The following KCNN1 variants were observed in gnomAD, a reference collection of about 807,000 sequenced individuals.
KCNN1 encodes small conductance calcium-activated potassium channel protein 1.
Under a neutral mutation model 44.7 loss-of-function variants are expected in KCNN1, and 20 were observed. The ratio of observed to expected loss-of-function variants is 0.45; its 90% CI spans 0.32 to 0.65. The LOEUF (loss-of-function observed/expected upper bound fraction) is 0.65. KCNN1 is among the 30% of genes least tolerant of loss of function. The pLI, the probability that KCNN1 is intolerant of heterozygous loss-of-function variation, is 0.05. For synonymous variants in KCNN1, 324 were observed against 341.7 expected, an observed-to-expected ratio of 0.95 and a Z score of 0.57; for missense variants, 632 against 785.3, an observed-to-expected ratio of 0.80 and a Z score of 2.33.
chr19:17,973,915 C>A lies in KCNN1; in HGVS notation c.27C>A (p.Ser9Arg). The A allele has an allele frequency of 1.2e-5, 19 of 1,554,232 alleles. No individual in the cohort carries two copies. Among genetic ancestry groups the A allele is most frequent in the Non-Finnish European group, 1.6e-5 (18 of 1,151,134 alleles). MNSHSYNG[S>R]VGRPLGSGPG... ...TGAACAGCCACAGCTACAATGGCAGCGTGGGGCGGCCGCTGGGCAGCGGGC... is the reference window on the plus strand; with the variant it reads ...TGAACAGCCACAGCTACAATGGCAGAGTGGGGCGGCCGCTGGGCAGCGGGC... The change falls in exon 2 of 10, where the codon AGC becomes AGA. Residue 9 changes from serine (S) to arginine (R), a missense_variant. Around this residue, in one of 3 missense-constraint regions of KCNN1, gnomAD observed 235 missense variants for 224.0 expected, o/e 1.05. Coordinates refer to ENST00000684775, the MANE Select transcript of KCNN1 (RefSeq NM_001386974.1).
chr19:17,996,957 G>T (rs752781728), intron 9 of KCNN1, among the ~76,000 whole-genome samples: 2 of 152,228 alleles, frequency 1.3e-5, no homozygotes, highest in African/African-American at 2.4e-5. Context: ...AGGCCGCCGC[G>T]GGGTGGCAAA....
At chr19:17,996,984 G>A (rs1185454110) in intron 9 of KCNN1, among the ~76,000 whole-genome samples, 1 of 152,218 alleles carries the variant, frequency 6.6e-6, no homozygotes, top group Non-Finnish European at 1.5e-5. Context: ...TCCTGACCCA[G>A]CTGCGCTCAG....
chr19:17,969,779 C>T (rs759399444), intron 1 of KCNN1, among the ~76,000 whole-genome samples: 18 of 152,354 alleles, frequency 1.2e-4, no homozygotes, highest in Non-Finnish European at 2.2e-4. Context: ...TGCCCCCCAT[C>T]CCCAGCTGGG....
Position 17,967,204 on chromosome 19 carries a change from C to A in KCNN1, c.-195C>A. The A allele has an allele frequency of 1.0e-6, 1 of 960,024 alleles. No homozygotes were observed. The highest frequency in any genetic ancestry group is 4.6e-5 in the South Asian group (1 of 21,532). The allele number at this position is 960,024 out of a possible 1,614,324, so 59.5% of individuals were successfully genotyped here. Reference sequence around the variant, plus strand: ...GCCGCCCCCGGGCCCCGCGCCCGCTCGCTGCTGCCCGCCCCGTCCGCGACC... The same window carrying A: ...GCCGCCCCCGGGCCCCGCGCCCGCTAGCTGCTGCCCGCCCCGTCCGCGACC... On this transcript the variant is annotated 5_prime_UTR_variant, in exon 1 of 10. Transcript: ENST00000684775.
chr19:17,961,586 C>CTTTCT (rs113710284), intron 2 of KCNN1, among the ~76,000 whole-genome samples: 17 of 130,054 alleles, frequency 1.3e-4, no homozygotes, highest in South Asian at 2.4e-4. Context: ...TTCTTTCTTT[C>CTTTCT]TTTTTTTTTT....
At chr19:17,978,424 G>GTTTT (rs936725904) in intron 3 of KCNN1, among the ~76,000 whole-genome samples, 3 of 117,026 alleles carry the variant, frequency 2.6e-5, no homozygotes, top group Non-Finnish European at 1.8e-5. Context: ...TGCCCAGCCT[G>GTTTT]TTTTTTTTTT....
chr19:17,959,000 C>CTATT (rs35942195), intron 2 of KCNN1, among the ~76,000 whole-genome samples: 5,476 of 143,480 alleles, frequency 0.038, 282 homozygotes, highest in African/African-American at 0.11. Flanking sequence ...ACGTCCAGCC[C>CTATT]TATTTATTTA....
upstream of KCNN1, among the ~76,000 whole-genome samples, chr19:17,963,377 G>A (rs2145907482): frequency 6.7e-6 from 1 of 150,138 alleles, no homozygotes; most frequent in Admixed American, 6.7e-5. Context: ...CAGTGGCACA[G>A]TCTTGGCTCA....
rs759791536 is a variant in KCNN1 at position 17,973,788 on chromosome 19, G to A, written c.-81-20G>A. On this transcript the variant is annotated intron_variant, in intron 1 of 9. Transcript: ENST00000684775. ...GTAAGCTGGACCCTGCTGTGACCATGTCCCTCTGTGCCCTTGCAGGTCAGT... is the reference window on the plus strand; with the variant it reads ...GTAAGCTGGACCCTGCTGTGACCATATCCCTCTGTGCCCTTGCAGGTCAGT... 2.8e-5 allele frequency: 42 copies of A among 1,488,582 alleles called. No homozygotes were observed. The East Asian group carries it at 6.5e-4, about 23-fold the overall frequency. The allele number at this position is 1,488,582 out of a possible 1,614,324, so 92.2% of individuals were successfully genotyped here. A position where few individuals can be genotyped will look rare whatever the true frequency, so the allele number is the denominator to read the frequency against.
In KCNN1 at chr19:17,998,200, G is replaced by A. The variant is rs540686613; in HGVS notation, c.1426G>A (p.Glu476Lys). Reference protein sequence around the residue: ...DLVSELHAQHEELEARLATLE... With the variant: ...DLVSELHAQHKELEARLATLE... ...TGTATCGGAGCTGCACGCTCAGCAC[G>A]AGGAGCTGGAGGCCCGCCTGGCCAC... Residue 476 changes from glutamate to lysine, a missense_variant, in exon 10 of 10, where the codon GAG becomes AAG. Glu to Lys is a moderately conservative substitution (Grantham distance 56). Transcript: ENST00000684775. This position sits in a 1 kb window ranked among gnomAD's most constrained non-coding sequence, Gnocchi z 5.4. 6 of 1,594,712 alleles carry A rather than the reference G, an allele frequency of 3.8e-6. No homozygotes were observed. Among genetic ancestry groups the A allele is most frequent in the South Asian group, 2.3e-5 (2 of 88,266 alleles).
chr19:17,982,371 C>G (rs2032448235), intron 4 of KCNN1, among the ~76,000 whole-genome samples: 1 of 152,114 alleles, frequency 6.6e-6, no homozygotes, highest in African/African-American at 2.4e-5. Flanking sequence ...CCAGCTCCCT[C>G]TCCCTCATCC....
intron 7 of KCNN1, 83 bp downstream of exon 7, chr19:17,989,926 C>T (rs1195583486): frequency 5.6e-6 from 9 of 1,598,186 alleles, no homozygotes; most frequent in Admixed American, 1.7e-5. Context: ...GGCCTCTTCA[C>T]GGCTCCCTGC....
At chr19:17,962,742 C>T, upstream of KCNN1, among the ~76,000 whole-genome samples, 1 of 151,942 alleles carries the variant, frequency 6.6e-6, no homozygotes, top group East Asian at 1.9e-4. Flanking sequence ...GTGTCTTGCA[C>T]TGTCACCCAG....
At chr19:17,955,030 T>C (rs2031507076) in intron 2 of KCNN1, among the ~76,000 whole-genome samples, 2 of 121,028 alleles carry the variant, frequency 1.7e-5, no homozygotes, top group South Asian at 5.7e-4. Context: ...AGAGCAAAGC[T>C]CTGTTTCAAA....
upstream of KCNN1, chr19:17,967,034 C>G: frequency 1.4e-6 from 1 of 708,210 alleles, no homozygotes; most frequent in Non-Finnish European, 1.7e-6. Flanking sequence ...TCGTCGAAGG[C>G]GGTGCCAACC....
intron 2 of KCNN1, among the ~76,000 whole-genome samples, chr19:17,957,091 AAGGG>A (rs961528251): frequency 1.4e-5 from 2 of 142,356 alleles, no homozygotes; most frequent in African/African-American, 2.5e-5. Flanking sequence ...AAAACAGAGA[AAGGG>A]AGGGAGGGAG....
chr19:17,955,262 A>G (rs1327005235), intron 2 of KCNN1, among the ~76,000 whole-genome samples: 3 of 151,320 alleles, frequency 2.0e-5, no homozygotes, highest in African/African-American at 7.3e-5. Flanking sequence ...TTAATTAAAA[A>G]AAAAAAAAAG....
intron 4 of KCNN1, chr19:17,982,547 G>T (rs1393120111): frequency 1.0e-6 from 1 of 985,152 alleles, no homozygotes. Flanking sequence ...TTTCCCCTCT[G>T]CCCGCTCCAC....
chr19:17,958,736 C>T (rs1358485761), intron 2 of KCNN1, among the ~76,000 whole-genome samples: 3 of 151,196 alleles, frequency 2.0e-5, no homozygotes, highest in South Asian at 2.1e-4. Flanking sequence ...CTTGCCTCGT[C>T]GCCCAGGCTG....
Sources: allele counts gnomAD v4.1 joint callset (sites outside exome capture counted in the v4.1 genomes callset), GRCh38; gene constraint gnomAD v4.1.1; regional missense constraint gnomAD v4.1.1; non-coding constraint Gnocchi (gnomAD v3.1); transcripts MANE v1.5; gene names NCBI Gene and HGNC (gene_info 2026-07-23, HGNC 2026-07-21).